RORB: variants seen among roughly 807,000 people sequenced by gnomAD.
RORB encodes the protein RAR related orphan receptor B.
Under a neutral mutation model 59.1 loss-of-function variants are expected in RORB, and 6 were observed. The observed-to-expected ratio is 0.10, with a 90% confidence interval of 0.06 to 0.20. The LOEUF is 0.20. Ranked by LOEUF, RORB falls within the 10% of genes least tolerant of loss-of-function variation. RORB has a pLI of 1.00. For synonymous variants in RORB, 215 were observed against 204.5 expected, an observed-to-expected ratio of 1.05 and a Z score of -0.44; for missense variants, 320 against 560.5, an observed-to-expected ratio of 0.57 and a Z score of 4.33.
intron 4 of RORB, among the ~76,000 whole-genome samples, chr9:74,651,592 A>G (rs1402028605): frequency 6.6e-6 from 1 of 152,090 alleles, no homozygotes; most frequent in African/African-American, 2.4e-5. Context: ...CAAGTTGTCA[A>G]GCTTCACACA....
At chr9:74,667,421 T>C (rs961328589) in intron 7 of RORB, among the ~76,000 whole-genome samples, 8 of 152,244 alleles carry the variant, frequency 5.3e-5, no homozygotes, top group African/African-American at 1.9e-4. Context: ...TTTCTATGAA[T>C]ACTATCTCTA....
rs1376886994 is a variant in RORB, at chr9:74,685,706, A to G, written c.*88A>G. On this transcript the variant is annotated 3_prime_UTR_variant, in exon 10 of 10. Coordinates refer to ENST00000376896, the MANE Select transcript of RORB (RefSeq NM_006914.4). ...TTCATGAAGACTTAAGAAAAATGTC[A>G]CTACTGCAACATTAGGAATGTCCTG... 2.0e-6 allele frequency: 2 copies of G among 984,078 alleles called. No homozygotes were observed. Among genetic ancestry groups the G allele is most frequent in the Non-Finnish European group, 2.9e-6 (2 of 692,792 alleles). 61.0% of individuals were successfully genotyped at this position (984,078 alleles called of 1,614,324 possible).
chr9:74,599,918 C>A (rs2118317273), intron 1 of RORB, among the ~76,000 whole-genome samples: 1 of 152,270 alleles, frequency 6.6e-6, no homozygotes, highest in South Asian at 2.1e-4. Flanking sequence ...CACTAAGAAC[C>A]AGGTAAGAAA....
chr9:74,525,812 C>T (rs1285516894), intron 1 of RORB, among the ~76,000 whole-genome samples: 1 of 151,932 alleles, frequency 6.6e-6, no homozygotes, highest in African/African-American at 2.4e-5. Flanking sequence ...AAATTCCCAA[C>T]TAAATGAATC....
At chr9:74,608,491 G>T (rs1379259532) in intron 1 of RORB, among the ~76,000 whole-genome samples, 1 of 151,182 alleles carries the variant, frequency 6.6e-6, no homozygotes, top group African/African-American at 2.4e-5. Flanking sequence ...GTGAACCCGG[G>T]AGGCGGAGCT....
intron 1 of RORB, chr9:74,498,815 G>A (rs1478110685): frequency 2.5e-5 from 4 of 162,546 alleles, no homozygotes; most frequent in African/African-American, 4.8e-5. Flanking sequence ...CCTCGCAGTC[G>A]CAGGCGGTGG....
At chr9:74,630,798 A>G (rs1311510460) in intron 2 of RORB, among the ~76,000 whole-genome samples, 2 of 149,274 alleles carry the variant, frequency 1.3e-5, no homozygotes, top group Non-Finnish European at 3.0e-5. Context: ...CAATATGCAT[A>G]TGGCCATCCT....
intron 1 of RORB, among the ~76,000 whole-genome samples, chr9:74,603,049 C>T (rs1010251488): frequency 6.6e-6 from 1 of 152,038 alleles, no homozygotes; most frequent in Non-Finnish European, 1.5e-5. Context: ...TTTTCCTTGT[C>T]TTGGAATTGT....
rs1362587574 is a variant in RORB, at chr9:74,686,313, G to A, written c.*695G>A. 2.0e-5 allele frequency: 3 copies of A among 152,592 alleles called. No individual in the cohort carries two copies. Among genetic ancestry groups the A allele is most frequent in the African/African-American group, 4.8e-5 (2 of 41,452 alleles). 9.5% of individuals were successfully genotyped at this position (152,592 alleles called of 1,614,324 possible). ...AATGGCAGGACGGTACCAACTCAGA[G>A]TTAAGTCTACAAAGGAATAAACATA... On this transcript the variant is annotated 3_prime_UTR_variant, in exon 10 of 10. Transcript: ENST00000376896.
intron 9 of RORB, among the ~76,000 whole-genome samples, chr9:74,673,790 T>G (rs1824387977): frequency 6.6e-6 from 1 of 152,196 alleles, no homozygotes. Context: ...TAGAAGAGGA[T>G]TACTTCTTGG....
chr9:74,623,176 CT>C (rs1286478013), intron 1 of RORB, among the ~76,000 whole-genome samples: 1 of 152,092 alleles, frequency 6.6e-6, no homozygotes, highest in Non-Finnish European at 1.5e-5. Context: ...TGGTTTTTAA[CT>C]GTTTCAAGAA....
At chr9:74,645,075 A>C (rs558969546) in intron 4 of RORB, among the ~76,000 whole-genome samples, 1 of 152,312 alleles carries the variant, frequency 6.6e-6, no homozygotes, top group African/African-American at 2.4e-5. Context: ...ATATCTTTAA[A>C]TATGTTTCAA....
chr9:74,616,749 T>C lies in RORB; in HGVS notation c.8-13533T>C, dbSNP rs534487304. Reference sequence around the variant, plus strand: ...ACAGAAATGTTTCTTTCTCCTCTGATTTTGTGTTTAAAAAACATGAAGTTA... The same window carrying C: ...ACAGAAATGTTTCTTTCTCCTCTGACTTTGTGTTTAAAAAACATGAAGTTA... On this transcript the variant is annotated intron_variant, in intron 1 of 9. Coordinates refer to ENST00000376896, the MANE Select transcript of RORB (RefSeq NM_006914.4). 6.6e-5 allele frequency among the ~76,000 whole-genome samples: 10 copies of C among 152,266 alleles called. No homozygotes were observed. The East Asian group carries it at 1.7e-3, about 26-fold the overall frequency.
In RORB at chr9:74,541,467, T is replaced by C. The variant is rs1207323418; in HGVS notation, c.7+43484T>C. 8.5e-5 allele frequency among the ~76,000 whole-genome samples: 13 copies of C among 152,160 alleles called. No individual in the cohort carries two copies. The East Asian group carries it at 2.5e-3, about 29-fold the overall frequency. ...TAAAAACTTAGAGTGATGTGCATAG[T>C]ACAAAAGAACAGCCCTCCCCTGTAA... On this transcript the variant is annotated intron_variant, in intron 1 of 9. Transcript: ENST00000376896.
intron 1 of RORB, among the ~76,000 whole-genome samples, chr9:74,546,123 T>C (rs1826484645): frequency 6.6e-6 from 1 of 152,184 alleles, no homozygotes; most frequent in Non-Finnish European, 1.5e-5. Flanking sequence ...ATGATCTAGA[T>C]AAAGCAATCT....
At chr9:74,569,775 A>G (rs1587363694) in intron 1 of RORB, among the ~76,000 whole-genome samples, 1 of 152,106 alleles carries the variant, frequency 6.6e-6, no homozygotes, top group African/African-American at 2.4e-5. Flanking sequence ...CACAAATCTG[A>G]CAACTCTAAT....
chr9:74,682,156 T>C (rs1353725178), intron 9 of RORB, among the ~76,000 whole-genome samples: 1 of 151,646 alleles, frequency 6.6e-6, no homozygotes, highest in Non-Finnish European at 1.5e-5. Flanking sequence ...TAAAAAAATT[T>C]TTGTTGCCTC....
chr9:74,632,761 A>C (rs1402661700), intron 2 of RORB, among the ~76,000 whole-genome samples: 3 of 152,258 alleles, frequency 2.0e-5, no homozygotes, highest in Middle Eastern at 3.4e-3. Flanking sequence ...TTCTGTCTTA[A>C]AATGTAAATT....
intron 1 of RORB, among the ~76,000 whole-genome samples, chr9:74,587,651 G>T (rs1822821441): frequency 6.6e-6 from 1 of 152,150 alleles, no homozygotes; most frequent in Admixed American, 6.5e-5. Flanking sequence ...TTGGGAGGAT[G>T]GTTGGTCAAG....
Sources: gnomAD v4.1 joint callset for allele counts (sites outside exome capture counted in the v4.1 genomes callset) on GRCh38, gnomAD v4.1.1 for gene constraint, MANE v1.5 for transcripts, NCBI Gene and HGNC (gene_info 2026-07-23, HGNC 2026-07-21) for gene names.